The following PRDM15 variants were observed in gnomAD, a reference collection of about 807,000 sequenced individuals.
PRDM15 encodes the protein PR domain zinc finger protein 15.
A neutral mutation model predicts 128.6 loss-of-function variants in PRDM15; 64 were observed. The ratio of observed to expected loss-of-function variants is 0.50; its 90% CI spans 0.41 to 0.61. The LOEUF is 0.61. PRDM15 is among the 20% of genes least tolerant of loss of function. PRDM15 has a pLI of 0.00. For missense variants in PRDM15, 1,242 were observed against 1,569.1 expected, an observed-to-expected ratio of 0.79 and a Z score of 3.52; for synonymous variants, 615 against 621.8, an observed-to-expected ratio of 0.99 and a Z score of 0.16.
intron 14 of PRDM15, 87 bp downstream of exon 14, chr21:41,823,231 A>G: frequency 2.0e-6 from 3 of 1,533,102 alleles, no homozygotes; most frequent in Non-Finnish European, 1.8e-6. Flanking sequence ...CCCTGCCCAC[A>G]GAACTCTGCT....
chr21:41,818,778 A>T (rs536963448), intron 18 of PRDM15, among the ~76,000 whole-genome samples: 11 of 150,402 alleles, frequency 7.3e-5, no homozygotes, highest in South Asian at 6.3e-4. Flanking sequence ...AAGTTGTTTT[A>T]AAAAAAAAAT....
intron 23 of PRDM15, 131 bp from the exon 24 acceptor site, chr21:41,801,853 T>C: frequency 9.3e-7 from 1 of 1,071,450 alleles, no homozygotes; most frequent in Non-Finnish European, 1.3e-6. Context: ...GGAAACCGAG[T>C]TAATTTTGTT....
At position 41,839,840 on chromosome 21, in the gene PRDM15, G is replaced by A; in HGVS notation, c.654C>T (p.Gly218=). ...GAAGGCTTTTGGCTTGTTCTAAGTG[G>A]CCCAACAGATGTTCTGCAAAGAGAG... ...ELQLLNEHLL[G]HLEQAKSLPP... The change falls in exon 7 of 24, where the codon GGC becomes GGT. Residue 218 remains glycine, a synonymous_variant. Transcript: ENST00000398548. The A allele has an allele frequency of 2.5e-6, 4 of 1,614,158 alleles. No homozygotes were observed. The South Asian group carries it at 3.3e-5, about 13-fold the overall frequency.
At position 41,836,170 on chromosome 21, in the gene PRDM15, C is replaced by T; in HGVS notation, c.1221G>A (p.Leu407=). Residue 407 remains leucine, a synonymous_variant, in exon 10 of 24, where the codon TTG becomes TTA. Coordinates refer to ENST00000398548, the MANE Select transcript of PRDM15 (RefSeq NM_001040424.3). ...GCTTTAGGCTCTCTTTGCGGCTGAA[C>T]AATTTTGCACACTCTTCGCACTTAA... ...KLFKCEECAK[L]FSRKESLKQH... 2 of 1,614,066 alleles carry T rather than the reference C, an allele frequency of 1.2e-6. No individual in the cohort carries two copies. The highest frequency in any genetic ancestry group is 8.5e-7 in the Non-Finnish European group (1 of 1,180,014).
chr21:41,859,156 C>T lies in PRDM15; in HGVS notation c.131+436G>A. The T allele has an allele frequency of 6.2e-7, 1 of 1,613,862 alleles. No homozygotes were observed. The highest frequency in any genetic ancestry group is 8.5e-7 in the Non-Finnish European group (1 of 1,179,992). On this transcript the variant is annotated intron_variant, in intron 3 of 23. Coordinates refer to ENST00000398548, the MANE Select transcript of PRDM15 (RefSeq NM_001040424.3). This position sits in a 1 kb window ranked among gnomAD's most constrained non-coding sequence, Gnocchi z 5.3. ...CTTCTGGAAGCTGCTGTGGGTCAGCCCTGTCCCTGTCCTCATAACCCCGCA... is the reference window on the plus strand; with the variant it reads ...CTTCTGGAAGCTGCTGTGGGTCAGCTCTGTCCCTGTCCTCATAACCCCGCA...
intron 1 of PRDM15, among the ~76,000 whole-genome samples, chr21:41,867,049 T>C (rs1569018231): frequency 6.6e-5 from 10 of 152,294 alleles, no homozygotes; most frequent in South Asian, 4.1e-4. Context: ...CAGGGTGACC[T>C]CCCCAGACAG....
At chr21:41,858,493 T>G (rs13046602) in intron 3 of PRDM15, among the ~76,000 whole-genome samples, 18 of 121,036 alleles carry the variant, frequency 1.5e-4, no homozygotes, top group African/African-American at 2.6e-4. Flanking sequence ...AGGCGGACAT[T>G]GGGTGCCCAG....
At chr21:41,814,804 T>C (rs892249423) in intron 19 of PRDM15, 11 of 145,790 alleles carry the variant, frequency 7.5e-5, no homozygotes, top group African/African-American at 2.6e-4. Context: ...TTGCGCAGCG[T>C]GCTCTAGTGT....
At chr21:41,808,996 C>T (rs538838648) in intron 21 of PRDM15, among the ~76,000 whole-genome samples, 3 of 152,348 alleles carry the variant, frequency 2.0e-5, no homozygotes, top group South Asian at 2.1e-4. Context: ...ATCTAAAACC[C>T]CCCGCCCCCG....
In PRDM15 at chr21:41,822,053, C is replaced by G; in HGVS notation, c.1762-16G>C. ...ACGCGATGTCCTGGAAAACAGCCAC[C>G]ACTTCCGGTTTCTAACAGCGCAGCA... On this transcript the variant is annotated splice_polypyrimidine_tract_variant and intron_variant, in intron 14 of 23. Coordinates refer to ENST00000398548, the MANE Select transcript of PRDM15 (RefSeq NM_001040424.3). 6.2e-7 allele frequency: 1 copy of G among 1,613,602 alleles called. No individual in the cohort carries two copies.
chr21:41,861,543 C>CT, intron 1 of PRDM15: 1 of 1,572,512 alleles, frequency 6.4e-7, no homozygotes, highest in South Asian at 1.2e-5. Context: ...TGCCCCCCCC[C>CT]AATCCCCAAC....
rs1413295556 is a variant in PRDM15 at position 41,828,238 on chromosome 21, C to T, written c.1462G>A (p.Ala488Thr). Residue 488 changes from alanine (A) to threonine (T), a missense_variant, in exon 12 of 24, where the codon GCC becomes ACC. By Grantham distance (58) the Ala-to-Thr change is moderately conservative (BLOSUM62 0). This residue lies in a region of PRDM15 where 612 missense variants were observed against 717.0 expected (regional missense o/e 0.85). Coordinates refer to ENST00000398548, the MANE Select transcript of PRDM15 (RefSeq NM_001040424.3). The surrounding 1 kb of genome is among the most constrained non-coding windows in gnomAD (Gnocchi z 5.7). ...AACATCTTGCTGCAGACCTCACAGG[C>T]AAACTTCTTGTCGCCGTGCTTCTTC... ...HKKKHGDKKFACEVCSKMFYR... is the reference protein window; with the variant it reads ...HKKKHGDKKFTCEVCSKMFYR... 5 of 1,613,978 alleles carry T rather than the reference C, an allele frequency of 3.1e-6. No homozygotes were observed. In the African/African-American group the frequency reaches 4.0e-5, roughly 13 times the overall value.
chr21:41,876,974 G>C (rs1459300737), intron 1 of PRDM15, among the ~76,000 whole-genome samples: 1 of 152,080 alleles, frequency 6.6e-6, no homozygotes, highest in Non-Finnish European at 1.5e-5. Context: ...GCATCCACAA[G>C]GCAGTCAGAA....
At position 41,862,256 on chromosome 21, in the gene PRDM15, T is replaced by C. The variant is rs1292817740; in HGVS notation, c.-9-1884A>G. Among the ~76,000 whole-genome samples the C allele has an allele frequency of 1.1e-4, 17 of 152,180 alleles. No individual in the cohort carries two copies. The highest frequency in any genetic ancestry group is 4.4e-5 in the Non-Finnish European group (3 of 68,020). On this transcript the variant is annotated intron_variant, in intron 1 of 23. Transcript: ENST00000398548. This position sits in a 1 kb window ranked among gnomAD's most constrained non-coding sequence, Gnocchi z 4.1. Reference sequence around the variant, plus strand: ...ATAGGCCTTAAGAGGCGCCCCACACTGCGGTCAGATCACCGCAGAACACAG... The same window carrying C: ...ATAGGCCTTAAGAGGCGCCCCACACCGCGGTCAGATCACCGCAGAACACAG...
intron 21 of PRDM15, among the ~76,000 whole-genome samples, chr21:41,805,988 T>TCACCAC (rs771551606): frequency 9.3e-5 from 4 of 42,874 alleles, no homozygotes; most frequent in Non-Finnish European, 1.8e-4. Context: ...ATCACCACTA[T>TCACCAC]CACCACCACC....
rs958503883 is a variant in PRDM15 at position 41,799,092 on chromosome 21, A to T, written c.*2148T>A. On this transcript the variant is annotated 3_prime_UTR_variant, in exon 24 of 24. Coordinates refer to ENST00000398548, the MANE Select transcript of PRDM15 (RefSeq NM_001040424.3). ...CATTTGATGCGGTCTTACTCTAGGC[A>T]CTAAAACAACTTCTTTAAAAAAATA... is the stretch of plus-strand genomic sequence containing the variant. The T allele has an allele frequency of 4.6e-5, 7 of 152,206 alleles. No homozygotes were observed. Among genetic ancestry groups the T allele is most frequent in the Non-Finnish European group, 1.0e-4 (7 of 68,044 alleles). 9.4% of individuals were successfully genotyped at this position (152,206 alleles called of 1,614,324 possible).
chr21:41,858,829 C>T (rs1293505826), intron 3 of PRDM15, among the ~76,000 whole-genome samples: 1 of 151,974 alleles, frequency 6.6e-6, no homozygotes, highest in East Asian at 1.9e-4. Flanking sequence ...CTTTGAGTCA[C>T]ACTAAGAAAA....
intron 10 of PRDM15, among the ~76,000 whole-genome samples, chr21:41,835,793 C>A (rs2062854873): frequency 1.1e-5 from 1 of 87,558 alleles, no homozygotes. Flanking sequence ...GGGCATCTGA[C>A]CAGGACGAGG....
Position 41,810,824 on chromosome 21 carries a change from A to T in PRDM15, c.2405T>A (p.Phe802Tyr). The change falls in exon 20 of 24, where the codon TTC becomes TAC. Residue 802 changes from phenylalanine (F) to tyrosine (Y), a missense_variant. By Grantham distance (22) the Phe-to-Tyr change is conservative. Transcript: ENST00000398548. The surrounding 1 kb of genome is among the most constrained non-coding windows in gnomAD (Gnocchi z 6.4). ...TGTCTTCCCACACAATTCACACATG[A>T]AATCTTTAATCCCTGCAGAGAAAGG... ...HCKRHTGIKDFMCELCGKTFS... is the reference protein window; with the variant it reads ...HCKRHTGIKDYMCELCGKTFS... 1 of 1,614,070 alleles carries T rather than the reference A, an allele frequency of 6.2e-7. No homozygotes were observed. The highest frequency in any genetic ancestry group is 8.5e-7 in the Non-Finnish European group (1 of 1,179,968).
Sources: gnomAD v4.1 joint callset for allele counts (sites outside exome capture counted in the v4.1 genomes callset) on GRCh38, gnomAD v4.1.1 for gene constraint, gnomAD v4.1.1 regional missense constraint, Gnocchi (gnomAD v3.1) non-coding constraint, MANE v1.5 for transcripts, NCBI Gene and HGNC (gene_info 2026-07-23, HGNC 2026-07-21) for gene names.